Variants in RENBP observed in about 807,000 individuals in gnomAD.
RENBP encodes the protein N-acylglucosamine 2-epimerase.
Under a neutral mutation model 37.8 loss-of-function variants are expected in RENBP, and 16 were observed. The observed-to-expected ratio is 0.42, with a 90% CI of 0.29 to 0.64. The LOEUF is 0.64. RENBP is among the 30% of genes least tolerant of loss of function. The probability of loss-of-function intolerance (pLI) is 0.19; values close to 1 mark genes in which losing one functional copy is unlikely to be tolerated. For missense variants in RENBP, 347 were observed against 379.5 expected (o/e 0.91, Z 0.71); for synonymous variants, 170 against 154.8 (o/e 1.10, Z -0.73).
chrX:153,943,289 C>T (rs782070609), intron 5 of RENBP, among the ~76,000 whole-genome samples: 72 of 112,750 alleles, frequency 6.4e-4, no homozygotes, highest in African/African-American at 2.2e-3. Flanking sequence ...GCAGCCCCTT[C>T]CAGGCTGTGG....
rs1298903220 is a variant in RENBP at position 153,935,296 on chromosome X, C to T, written c.1274G>A (p.Gly425Asp). 6 of 889,036 alleles carry T rather than the reference C, an allele frequency of 6.7e-6. No individual in the cohort carries two copies. Among genetic ancestry groups the T allele is most frequent in the Admixed American group, 9.4e-5 (2 of 21,318 alleles). The allele number at this position is 889,036 out of a possible 1,213,427, so 73.3% of individuals were successfully genotyped here. ...GAGCGGACTCAGCCTTTATTCCGCG[C>T]CTCGGCAGGCGGGGGTGGGGGCGGG... ...PSPAPTPACR[G>D]AE Residue 425 changes from glycine (G) to aspartate (D), a missense_variant, in exon 11 of 11, where the codon GGC becomes GAC. Coordinates refer to ENST00000393700, the MANE Select transcript of RENBP (RefSeq NM_002910.6).
intron 6 of RENBP, chrX:153,942,437 A>G (rs1053017611): frequency 8.2e-4 from 157 of 191,495 alleles, no homozygotes; most frequent in Non-Finnish European, 1.4e-3. Context: ...GGGTTTCACT[A>G]TATTGGCCAG....
At chrX:153,938,746 C>T (rs1242873707) in intron 9 of RENBP, among the ~76,000 whole-genome samples, 2 of 106,335 alleles carry the variant, frequency 1.9e-5, no homozygotes, top group Non-Finnish European at 3.8e-5. Context: ...CCCCCATTTC[C>T]CTTTTTGCCT....
intron 9 of RENBP, chrX:153,937,151 T>C (rs1247821692): frequency 5.8e-5 from 7 of 120,558 alleles, no homozygotes; most frequent in African/African-American, 2.0e-4. Flanking sequence ...CACTGAGCCA[T>C]GATTGTGCCA....
In RENBP at chrX:153,942,967, G is replaced by A; in HGVS notation, c.575C>T (p.Pro192Leu). 1 of 1,210,954 alleles carries A rather than the reference G, an allele frequency of 8.3e-7. No individual in the cohort carries two copies. The stretch of plus-strand genomic sequence containing the variant: ...CTCCACCAGGTTCAGTAGCATCATG[G>A]GCACCGCCATGGGCTCCGCAGCCGG... ...GAPAAEPMAVPMMLLNLVEQL... is the reference protein window; with the variant it reads ...GAPAAEPMAVLMMLLNLVEQL... The change falls in exon 6 of 11, where the codon CCC becomes CTC. Residue 192 changes from proline to leucine, a missense_variant. Transcript: ENST00000393700.
intron 9 of RENBP, among the ~76,000 whole-genome samples, chrX:153,938,792 TTTTG>T (rs2065214051): frequency 4.4e-5 from 4 of 91,533 alleles, no homozygotes; most frequent in Admixed American, 2.4e-4. Flanking sequence ...GTTTTTTTTT[TTTTG>T]TTTTTTTTTT....
rs782639182 is a variant in RENBP at position 153,942,948 on chromosome X, C to G, written c.594G>C (p.Leu198=). The change falls in exon 6 of 11, where the codon CTG becomes CTC. Residue 198 remains leucine (L), a synonymous_variant. Coordinates refer to ENST00000393700, the MANE Select transcript of RENBP (RefSeq NM_002910.6). ...CATCTGCCTCCCCGAGCTGCTCCAC[C>G]AGGTTCAGTAGCATCATGGGCACCG... ...PMAVPMMLLN[L]VEQLGEADEE... is the part of the protein sequence containing the mutation. 2 of 1,211,436 alleles carry G rather than the reference C, an allele frequency of 1.7e-6. No homozygotes were observed. Among genetic ancestry groups the G allele is most frequent in the Non-Finnish European group, 2.2e-6 (2 of 895,287 alleles).
chrX:153,942,408 T>C, intron 6 of RENBP: 1 of 181,582 alleles, frequency 5.5e-6, no homozygotes, highest in Non-Finnish European at 1.0e-5. Context: ...AGCTAATTTT[T>C]GTATTTTTAG....
At position 153,941,958 on chromosome X, in the gene RENBP, T is replaced by C. The variant is rs2065228728; in HGVS notation, c.761A>G (p.Gln254Arg). ...KELPGCLGRQQNPGHTLEAGW... is the reference protein window; with the variant it reads ...KELPGCLGRQRNPGHTLEAGW... ...CCCACCCCGCCCCTCACCTGGGTTC[T>C]GCTGTCTCCCCAGGCAGCCAGGAAG... The change falls in exon 7 of 11, where the codon CAG becomes CGG. Residue 254 changes from glutamine to arginine, a missense_variant. This residue lies in a region of RENBP where 244 missense variants were observed against 279.4 expected (regional missense o/e 0.87). Transcript: ENST00000393700. 1.3e-6 allele frequency: 1 copy of C among 764,508 alleles called. No homozygotes were observed. The highest frequency in any genetic ancestry group is 1.9e-6 in the Non-Finnish European group (1 of 524,768). 63.0% of individuals were successfully genotyped at this position (764,508 alleles called of 1,213,427 possible).
intron 9 of RENBP, 70 bp from the exon 10 acceptor site, chrX:153,935,646 GGGTCAGA>G: frequency 1.1e-6 from 1 of 914,981 alleles, no homozygotes; most frequent in Non-Finnish European, 1.6e-6. Context: ...TCGCTACCAG[GGGTCAGA>G]GCCTGGGTTG....
intron 8 of RENBP, 86 bp downstream of exon 8, chrX:153,941,392 G>C: frequency 9.8e-7 from 1 of 1,018,997 alleles, no homozygotes; most frequent in Non-Finnish European, 1.4e-6. Flanking sequence ...TCCAGCCCCA[G>C]GTTACCCTCT....
chrX:153,944,236 G>A, intron 2 of RENBP, 73 bp downstream of exon 2: 1 of 1,171,715 alleles, frequency 8.5e-7, no homozygotes, highest in Non-Finnish European at 1.2e-6. Flanking sequence ...AAATCTGTGA[G>A]GTGCCTGAGA....
chrX:153,941,156 A>AG (rs1557109441), intron 8 of RENBP, among the ~76,000 whole-genome samples: 1 of 108,966 alleles, frequency 9.2e-6, no homozygotes, highest in African/African-American at 3.3e-5. Context: ...AAAAAAAAAA[A>AG]AAAAAAAAAA....
chrX:153,935,651 A>T lies in RENBP; in HGVS notation c.1078-75T>A, dbSNP rs782681906. 43 of 876,048 alleles carry T rather than the reference A, an allele frequency of 4.9e-5. No homozygotes were observed. The South Asian group carries it at 8.5e-4, about 17-fold the overall frequency. 72.2% of individuals were successfully genotyped at this position (876,048 alleles called of 1,213,427 possible). ...TGCCACTGCATCGCTACCAGGGGTC[A>T]GAGCCTGGGTTGACCCCAGGTGACG... is the stretch of plus-strand genomic sequence containing the variant. On this transcript the variant is annotated intron_variant, in intron 9 of 10. Coordinates refer to ENST00000393700, the MANE Select transcript of RENBP (RefSeq NM_002910.6).
chrX:153,943,121 C>T, intron 5 of RENBP, 42 bp from the exon 6 acceptor site: 1 of 950,358 alleles, frequency 1.1e-6, no homozygotes, highest in South Asian at 2.4e-5. Context: ...GCTGAGGCTA[C>T]ATCCTGTGCC....
At chrX:153,942,119 C>A (rs1270225069) in intron 6 of RENBP, 88 bp from the exon 7 acceptor site, 10 of 729,967 alleles carry the variant, frequency 1.4e-5, no homozygotes, top group African/African-American at 8.4e-5. Context: ...CCGGAAAGCC[C>A]TTCCTCCCTC....
rs782237225 is a variant in RENBP at position 153,938,822 on chromosome X, T to G, written c.1077+1280A>C. The stretch of plus-strand genomic sequence containing the variant: ...TTTTTTTTTTTTTTGAGACCAAGTC[T>G]TGCTCTTGTCCCCCAGGCTGGAGTG... On this transcript the variant is annotated intron_variant, in intron 9 of 10. Coordinates refer to ENST00000393700, the MANE Select transcript of RENBP (RefSeq NM_002910.6). 3.2e-5 allele frequency among the ~76,000 whole-genome samples: 3 copies of G among 94,408 alleles called. No homozygotes were observed. In the South Asian group the frequency reaches 2.2e-3, roughly 69 times the overall value. 82.0% of individuals were successfully genotyped at this position (94,408 alleles called of 115,157 possible). A position where few individuals can be genotyped will look rare whatever the true frequency, so the allele number is the denominator to read the frequency against.
At position 153,942,664 on chromosome X, in the gene RENBP, A is replaced by G; in HGVS notation, c.687+191T>C. On this transcript the variant is annotated intron_variant, in intron 6 of 10. Transcript: ENST00000393700. ...GGCCTGGAAGGGACTTGGGTGGGGCAGGAGGGGTCTCCTTCTGTCAGGGCT... is the reference window on the plus strand; with the variant it reads ...GGCCTGGAAGGGACTTGGGTGGGGCGGGAGGGGTCTCCTTCTGTCAGGGCT... 6.7e-6 allele frequency: 3 copies of G among 444,555 alleles called. No individual in the cohort carries two copies. The Admixed American group carries it at 1.2e-4, about 18-fold the overall frequency. The allele number at this position is 444,555 out of a possible 1,213,427, so 36.6% of individuals were successfully genotyped here.
intron 9 of RENBP, among the ~76,000 whole-genome samples, 185 bp downstream of exon 9, chrX:153,939,917 C>T (rs2156929): frequency 9.1e-6 from 1 of 109,320 alleles, no homozygotes; most frequent in Non-Finnish European, 1.9e-5. Flanking sequence ...CCCGCCCCCA[C>T]CACCAAAATT....
Sources: gnomAD v4.1 joint callset for allele counts (sites outside exome capture counted in the v4.1 genomes callset) on GRCh38, gnomAD v4.1.1 for gene constraint, gnomAD v4.1.1 regional missense constraint, MANE v1.5 for transcripts, NCBI Gene and HGNC (gene_info 2026-07-23, HGNC 2026-07-21) for gene names.